The following DYNC2I1 variants were observed in gnomAD, a reference collection of about 807,000 sequenced individuals.
DYNC2I1 encodes the protein cytoplasmic dynein 2 intermediate chain 1.
A neutral mutation model predicts 133.4 loss-of-function variants in DYNC2I1; 89 were observed. That is an observed-to-expected ratio of 0.67 (90% confidence interval 0.56 to 0.80). The LOEUF (loss-of-function observed/expected upper bound fraction) is 0.80. Among genes scored for constraint, DYNC2I1 ranks in the 30% least tolerant of loss-of-function variants. DYNC2I1 has a pLI of 0.00. For missense variants in DYNC2I1, 1,291 were observed against 1,314.5 expected, an observed-to-expected ratio of 0.98 and a Z score of 0.28; for synonymous variants, 504 against 484.3, an observed-to-expected ratio of 1.04 and a Z score of -0.54.
intron 3 of DYNC2I1, among the ~76,000 whole-genome samples, chr7:158,873,042 A>C (rs1251817818): frequency 1.3e-5 from 2 of 152,142 alleles, no homozygotes; most frequent in Non-Finnish European, 2.9e-5. Context: ...TATCTCAATA[A>C]GGCTTATTAT....
At chr7:158,947,215 C>G (rs1394014066), downstream of DYNC2I1, among the ~76,000 whole-genome samples, 1 of 152,140 alleles carries the variant, frequency 6.6e-6, no homozygotes, top group African/African-American at 2.4e-5. Flanking sequence ...GGCACGCGGC[C>G]TCTCTCTGCA....
rs978284514 is a variant in DYNC2I1, at chr7:158,940,777, A to C, written c.2779-1148A>C. On this transcript the variant is annotated intron_variant, in intron 23 of 24. Transcript: ENST00000407559. Reference sequence around the variant, plus strand: ...AAGAAGGACATTTAAAAATTTATTGAAACAAATGAAAATGGAAATGTGGCA... The same window carrying C: ...AAGAAGGACATTTAAAAATTTATTGCAACAAATGAAAATGGAAATGTGGCA... Among the ~76,000 whole-genome samples the C allele has an allele frequency of 6.6e-5, 10 of 152,240 alleles. No individual in the cohort carries two copies. The South Asian group carries it at 1.9e-3, about 28-fold the overall frequency.
intron 23 of DYNC2I1, among the ~76,000 whole-genome samples, chr7:158,936,243 G>T (rs566984255): frequency 2.0e-5 from 3 of 152,258 alleles, no homozygotes; most frequent in Admixed American, 1.3e-4. Context: ...GTGATTTCCA[G>T]TGTGGAGCTC....
intron 10 of DYNC2I1, chr7:158,904,476 T>A (rs1047543379): frequency 2.0e-5 from 3 of 152,262 alleles, no homozygotes; most frequent in African/African-American, 7.2e-5. Flanking sequence ...AAAGCCTTTG[T>A]ACACTTCCAA....
intron 11 of DYNC2I1, among the ~76,000 whole-genome samples, chr7:158,908,695 C>G (rs1408897300): frequency 6.6e-6 from 1 of 152,166 alleles, no homozygotes; most frequent in African/African-American, 2.4e-5. Context: ...GGCCCAGGAG[C>G]AGCTCAGAGA....
intron 6 of DYNC2I1, among the ~76,000 whole-genome samples, chr7:158,886,321 A>G (rs1212557522): frequency 6.6e-6 from 1 of 151,840 alleles, no homozygotes; most frequent in East Asian, 1.9e-4. Flanking sequence ...TTTAGTAGAG[A>G]TGGGGTTTCT....
At chr7:158,872,915 C>T (rs75602670) in intron 3 of DYNC2I1, among the ~76,000 whole-genome samples, 3,252 of 151,520 alleles carry the variant, frequency 0.021, 56 homozygotes, top group Admixed American at 0.052. Context: ...CACTTGAACC[C>T]GGGAGGAGGA....
At position 158,906,069 on chromosome 7, in the gene DYNC2I1, C is replaced by G. The variant is rs370385731; in HGVS notation, c.1438C>G (p.Arg480Gly). The change falls in exon 11 of 25, where the codon CGG (arginine) becomes GGG (glycine). Residue 480 changes from arginine to glycine, a missense_variant. Transcript: ENST00000407559. ...CTCAGCTTCACACCGTCAAAAGAGT[C>G]GGACTCAGGCCCTTAAGCAAAAGTA... is the stretch of plus-strand genomic sequence containing the variant. The part of the protein sequence containing the change: ...FASASHRQKS[R>G]TQALKQKMRS... The G allele has an allele frequency of 6.2e-7, 1 of 1,613,474 alleles. No homozygotes were observed. Among genetic ancestry groups the G allele is most frequent in the Admixed American group, 1.7e-5 (1 of 59,976 alleles).
the DYNC2I1 span, among the ~76,000 whole-genome samples, chr7:158,848,092 A>G: frequency 1.8e-3 from 274 of 152,366 alleles, 2 homozygotes; most frequent in Middle Eastern, 6.8e-3. Flanking sequence ...ACAGCTCACT[A>G]TTAAACAATC....
intron 1 of DYNC2I1, among the ~76,000 whole-genome samples, chr7:158,863,713 G>C (rs191315381): frequency 0.044 from 3,198 of 72,512 alleles, 272 homozygotes; most frequent in Middle Eastern, 0.067. Flanking sequence ...TGTGGGGGGG[G>C]CGGTGAGCGG....
chr7:158,884,041 A>G (rs1215880580), intron 5 of DYNC2I1, among the ~76,000 whole-genome samples: 24 of 144,712 alleles, frequency 1.7e-4, no homozygotes, highest in Non-Finnish European at 3.6e-4. Context: ...TCCTTTTAAA[A>G]AACAATTTTT....
chr7:158,902,626 G>A (rs755300840), intron 10 of DYNC2I1, 31 bp downstream of exon 10: 21 of 1,596,646 alleles, frequency 1.3e-5, no homozygotes, highest in East Asian at 4.5e-5. Context: ...AATGGTGTCC[G>A]TGCTCTTAGG....
chr7:158,948,035 G>A (rs912413726), downstream of DYNC2I1, among the ~76,000 whole-genome samples: 7 of 152,224 alleles, frequency 4.6e-5, no homozygotes, highest in African/African-American at 1.7e-4. Flanking sequence ...CACCCCCAGG[G>A]AGGAGCTGGC....
intron 8 of DYNC2I1, among the ~76,000 whole-genome samples, chr7:158,895,591 TCTC>T (rs919277847): frequency 2.0e-5 from 3 of 152,240 alleles, no homozygotes; most frequent in Non-Finnish European, 4.4e-5. Context: ...CCAACTTTGT[TCTC>T]CTTCAATGTT....
intron 1 of DYNC2I1, among the ~76,000 whole-genome samples, chr7:158,860,425 C>T (rs1841770797): frequency 6.6e-6 from 1 of 152,152 alleles, no homozygotes; most frequent in Non-Finnish European, 1.5e-5. Context: ...TAGTTGCTCA[C>T]ATAATTAATC....
At position 158,876,591 on chromosome 7, in the gene DYNC2I1, AT is replaced by A; in HGVS notation, c.491-17del. 6.5e-7 allele frequency: 1 copy of A among 1,549,028 alleles called. No individual in the cohort carries two copies. The highest frequency in any genetic ancestry group is 8.7e-7 in the Non-Finnish European group (1 of 1,155,512). On this transcript the variant is annotated splice_polypyrimidine_tract_variant and intron_variant, in intron 3 of 24. Transcript: ENST00000407559. Reference sequence around the variant, plus strand: ...GCTAACATTTGGGAGTATTAAAAATATGTTTTACTTCTTGTAGTAAGTAAAG... The same window carrying A: ...GCTAACATTTGGGAGTATTAAAAATAGTTTTACTTCTTGTAGTAAGTAAAG...
intron 23 of DYNC2I1, among the ~76,000 whole-genome samples, chr7:158,937,649 G>T (rs1397205489): frequency 1.8e-5 from 2 of 112,924 alleles, no homozygotes; most frequent in Non-Finnish European, 3.8e-5. Flanking sequence ...ACAAGGCTGG[G>T]TGCAGTGGCC....
chr7:158,890,350 G>GT (rs1163006788), intron 7 of DYNC2I1, among the ~76,000 whole-genome samples: 3 of 151,598 alleles, frequency 2.0e-5, no homozygotes, highest in Non-Finnish European at 4.4e-5. Context: ...TATATGATGT[G>GT]TTTTTTTCTA....
chr7:158,888,484 T>TAC (rs1042506851), intron 7 of DYNC2I1, among the ~76,000 whole-genome samples: 9 of 151,826 alleles, frequency 5.9e-5, no homozygotes, highest in African/African-American at 2.2e-4. Flanking sequence ...TATATATATA[T>TAC]ACGTTGAGAT....
Sources: allele counts gnomAD v4.1 joint callset (sites outside exome capture counted in the v4.1 genomes callset), GRCh38; gene constraint gnomAD v4.1.1; transcripts MANE v1.5; gene names NCBI Gene and HGNC (gene_info 2026-07-23, HGNC 2026-07-21).